The following HHAT variants were observed in gnomAD, a reference collection of about 807,000 sequenced individuals.
The protein encoded by HHAT is protein-cysteine N-palmitoyltransferase HHAT.
HHAT carries 47 observed loss-of-function variants against 70.8 expected under a neutral mutation model. The ratio of observed to expected loss-of-function variants is 0.66; its 90% CI spans 0.53 to 0.85. The LOEUF is 0.85. Ranked by LOEUF, HHAT falls within the 40% of genes least tolerant of loss-of-function variation. HHAT has a pLI of 0.00. For missense variants in HHAT, 609 were observed against 604.8 expected (o/e 1.01, Z -0.07); for synonymous variants, 228 against 247.6 (o/e 0.92, Z 0.74).
intron 1 of HHAT, among the ~76,000 whole-genome samples, chr1:210,332,552 C>T (rs750816464): frequency 9.2e-5 from 14 of 152,226 alleles, no homozygotes; most frequent in South Asian, 2.1e-4. Context: ...TTTAGCAATA[C>T]GGTTAGCCAC....
At chr1:210,614,910 C>A (rs917184242) in intron 10 of HHAT, among the ~76,000 whole-genome samples, 4 of 152,124 alleles carry the variant, frequency 2.6e-5, no homozygotes, top group Non-Finnish European at 4.4e-5. Context: ...GATTTATATT[C>A]CTTTGGGTAT....
intron 4 of HHAT, among the ~76,000 whole-genome samples, chr1:210,399,278 A>T (rs1306364559): frequency 6.6e-6 from 1 of 152,096 alleles, no homozygotes; most frequent in African/African-American, 2.4e-5. Context: ...TGTTTTTGAG[A>T]TGGAGTCTTG....
At chr1:210,475,818 A>G (rs1455642378) in intron 8 of HHAT, among the ~76,000 whole-genome samples, 2 of 152,196 alleles carry the variant, frequency 1.3e-5, no homozygotes, top group Non-Finnish European at 2.9e-5. Flanking sequence ...CAGCCAGACA[A>G]CCACTAGGAA....
intron 9 of HHAT, among the ~76,000 whole-genome samples, chr1:210,519,527 CTT>C (rs35244381): frequency 0.096 from 12,252 of 127,454 alleles, 1,292 homozygotes; most frequent in East Asian, 0.34. Context: ...ATTTTCTTTG[CTT>C]TTTTTTTTTT....
intron 8 of HHAT, among the ~76,000 whole-genome samples, chr1:210,474,825 T>G (rs1426354935): frequency 6.6e-6 from 1 of 151,298 alleles, no homozygotes; most frequent in Non-Finnish European, 1.5e-5. Context: ...CTCAGGTGTT[T>G]TTTTTTTTTT....
At chr1:210,614,770 CA>C (rs1311238072) in intron 10 of HHAT, among the ~76,000 whole-genome samples, 1 of 152,200 alleles carries the variant, frequency 6.6e-6, no homozygotes, top group Non-Finnish European at 1.5e-5. Context: ...CATAGTATTC[CA>C]TGGTGTATAT....
At chr1:210,567,640 C>G (rs1481419527) in intron 9 of HHAT, among the ~76,000 whole-genome samples, 2 of 152,066 alleles carry the variant, frequency 1.3e-5, no homozygotes, top group African/African-American at 4.8e-5. Flanking sequence ...CTTTCCATCC[C>G]TTTTGCCTTT....
intron 1 of HHAT, among the ~76,000 whole-genome samples, chr1:210,332,585 G>A (rs1374502348): frequency 6.6e-6 from 1 of 152,224 alleles, no homozygotes; most frequent in Non-Finnish European, 1.5e-5. Flanking sequence ...TCTCATTGCA[G>A]ACACATTTGA....
intron 6 of HHAT, among the ~76,000 whole-genome samples, chr1:210,414,578 G>C (rs2092661885): frequency 1.3e-5 from 2 of 152,150 alleles, no homozygotes; most frequent in Non-Finnish European, 2.9e-5. Flanking sequence ...AGGATGCTGG[G>C]CTTCCTGGCA....
At position 210,417,319 on chromosome 1, in the gene HHAT, G is replaced by A. The variant is rs368779777; in HGVS notation, c.685-835G>A. Among the ~76,000 whole-genome samples the A allele has an allele frequency of 2.6e-3, 391 of 152,208 alleles. 10 individuals are homozygous for A. The South Asian group carries it at 0.058, about 23-fold the overall frequency. ...GTGATCTTGGCTCACTGCAACCTCCGCCTCCCAGGTTCAAGCAATTCTCCT... is the reference window on the plus strand; with the variant it reads ...GTGATCTTGGCTCACTGCAACCTCCACCTCCCAGGTTCAAGCAATTCTCCT... On this transcript the variant is annotated intron_variant, in intron 6 of 11. Transcript: ENST00000261458.
intron 10 of HHAT, among the ~76,000 whole-genome samples, chr1:210,606,374 G>T (rs1431143267): frequency 6.6e-6 from 1 of 152,142 alleles, no homozygotes; most frequent in African/African-American, 2.4e-5. Flanking sequence ...CTTAAGTGAA[G>T]AATTGCCTTG....
chr1:210,508,055 C>T (rs1055870716), intron 8 of HHAT, among the ~76,000 whole-genome samples: 4 of 151,490 alleles, frequency 2.6e-5, no homozygotes, highest in South Asian at 4.2e-4. Flanking sequence ...AAAAATTAGC[C>T]AGGTATGGTG....
chr1:210,430,671 C>A (rs2093216660), intron 7 of HHAT, among the ~76,000 whole-genome samples: 1 of 151,770 alleles, frequency 6.6e-6, no homozygotes, highest in African/African-American at 2.4e-5. Flanking sequence ...AGAATCATTT[C>A]AGTTCTTTTT....
At chr1:210,348,762 T>TGTGTG (rs1553317702) in intron 1 of HHAT, among the ~76,000 whole-genome samples, 171 bp from the exon 2 acceptor site, 1 of 150,624 alleles carries the variant, frequency 6.6e-6, no homozygotes, top group Non-Finnish European at 1.5e-5. Context: ...TGTGTGTGTG[T>TGTGTG]TGGATGCAGG....
At chr1:210,327,747 C>A (rs2084677256), upstream of HHAT, among the ~76,000 whole-genome samples, 1 of 152,134 alleles carries the variant, frequency 6.6e-6, no homozygotes, top group Admixed American at 6.5e-5. Context: ...CTCAAGTGAT[C>A]CTCCTGCTAC....
intron 3 of HHAT, 108 bp downstream of exon 3, chr1:210,363,027 G>T: frequency 2.1e-6 from 2 of 931,806 alleles, no homozygotes; most frequent in South Asian, 1.4e-5. Flanking sequence ...CAGCAATCTG[G>T]AATGAAGCAC....
rs5780588 is a variant in HHAT at position 210,540,444 on chromosome 1, TACACAC to T, written c.1043+27277_1043+27282del. ...AGTAAATAGGAGATTTTTTCCCTCT[TACACAC>T]ACACACACACACACACACACGCACA... On this transcript the variant is annotated intron_variant, in intron 9 of 11. Coordinates refer to ENST00000261458, the MANE Select transcript of HHAT (RefSeq NM_018194.6). Among the ~76,000 whole-genome samples the T allele has an allele frequency of 6.2e-3, 919 of 148,054 alleles. 5 individuals carry two copies. The highest frequency in any genetic ancestry group is 0.012 in the African/African-American group (494 of 40,014).
chr1:210,487,438 A>G (rs574241851), intron 8 of HHAT, among the ~76,000 whole-genome samples: 1 of 152,146 alleles, frequency 6.6e-6, no homozygotes, highest in African/African-American at 2.4e-5. Context: ...CAGTTGAAAG[A>G]CTAGGGTTAT....
chr1:210,593,064 G>A (rs574171538), intron 10 of HHAT, among the ~76,000 whole-genome samples: 3 of 151,972 alleles, frequency 2.0e-5, no homozygotes, highest in Non-Finnish European at 4.4e-5. Context: ...GGTGTGTGAT[G>A]TTTCCCTTCC....
Sources: gnomAD v4.1 joint callset for allele counts (sites outside exome capture counted in the v4.1 genomes callset) on GRCh38, gnomAD v4.1.1 for gene constraint, MANE v1.5 for transcripts, NCBI Gene and HGNC (gene_info 2026-07-23, HGNC 2026-07-21) for gene names.